The following POLE variants were observed in gnomAD, a reference collection of about 807,000 sequenced individuals.
The protein encoded by POLE is DNA polymerase epsilon, catalytic subunit, also known as DNA polymerase epsilon catalytic subunit A.
A neutral mutation model predicts 279.2 loss-of-function variants in POLE; 188 were observed. The observed-to-expected ratio is 0.67, with a 90% CI of 0.60 to 0.76. The LOEUF (loss-of-function observed/expected upper bound fraction) is 0.76. Among genes scored for constraint, POLE ranks in the 30% least tolerant of loss-of-function variants. The pLI is 0.00. For synonymous variants in POLE, 1,214 were observed against 1,172.5 expected (o/e 1.04, Z -0.72); for missense variants, 2,703 against 3,016.7 (o/e 0.90, Z 2.44).
At chr12:132,625,563 GCA>G in intron 47 of POLE, 80 bp downstream of exon 47, 1 of 1,564,136 alleles carries the variant, frequency 6.4e-7, no homozygotes, top group Non-Finnish European at 8.7e-7. Context: ...CTCAGGACCT[GCA>G]CACACCCCGG....
rs118149274 is a variant in POLE at position 132,666,616 on chromosome 12, G to A, written c.2319+887C>T. Among the ~76,000 whole-genome samples the A allele has an allele frequency of 3.3e-3, 507 of 152,300 alleles. 2 individuals carry two copies. Among genetic ancestry groups the A allele is most frequent in the Middle Eastern group, 0.014 (4 of 294 alleles). On this transcript the variant is annotated intron_variant, in intron 20 of 48. Coordinates refer to ENST00000320574, the MANE Select transcript of POLE (RefSeq NM_006231.4). ...AAGCATCATGCTAAGTGAAAAAGCCGGTCACAAAGATACAAATACTGCACG... is the reference window on the plus strand; with the variant it reads ...AAGCATCATGCTAAGTGAAAAAGCCAGTCACAAAGATACAAATACTGCACG...
intron 29 of POLE, among the ~76,000 whole-genome samples, chr12:132,653,139 G>A (rs549452917): frequency 2.0e-5 from 3 of 152,112 alleles, no homozygotes; most frequent in Non-Finnish European, 2.9e-5. Context: ...CAGTGCTTTG[G>A]GGGGGGCCCA....
intron 46 of POLE, 106 bp downstream of exon 46, chr12:132,626,011 C>T (rs2041830647): frequency 2.5e-6 from 3 of 1,205,972 alleles, no homozygotes; most frequent in South Asian, 2.7e-5. Flanking sequence ...GTCAGAGGGG[C>T]AGCAGGTGTG....
chr12:132,664,429 G>C lies in POLE; in HGVS notation c.2502C>G (p.Ile834Met), dbSNP rs769459883. Reference protein sequence around the residue: ...ARWYSMEMAGIVCFTGANIIT... With the variant: ...ARWYSMEMAGMVCFTGANIIT... ...TGATGTTGGCCCCTGTGAAGCAGAC[G>C]ATGCCAGCCATCTCCATGGAGTACC... is the stretch of plus-strand genomic sequence containing the variant. Residue 834 changes from isoleucine to methionine, a missense_variant, in exon 22 of 49, where the codon ATC (isoleucine) becomes ATG (methionine). By Grantham distance (10) the Ile-to-Met change is conservative. Coordinates refer to ENST00000320574, the MANE Select transcript of POLE (RefSeq NM_006231.4). This position sits in a 1 kb window ranked among gnomAD's most constrained non-coding sequence, Gnocchi z 5.3. 1 of 1,613,936 alleles carries C rather than the reference G, an allele frequency of 6.2e-7. No individual in the cohort carries two copies. The highest frequency in any genetic ancestry group is 8.5e-7 in the Non-Finnish European group (1 of 1,180,016).
chr12:132,683,880 A>G (rs2043217761), intron 1 of POLE, among the ~76,000 whole-genome samples: 1 of 152,254 alleles, frequency 6.6e-6, no homozygotes, highest in African/African-American at 2.4e-5. Context: ...AAAAATGGGG[A>G]TAAGTGTCAC....
intron 45 of POLE, among the ~76,000 whole-genome samples, chr12:132,631,401 C>T (rs1288450254): frequency 6.6e-6 from 1 of 152,152 alleles, no homozygotes; most frequent in Non-Finnish European, 1.5e-5. Flanking sequence ...CCACAGAGTA[C>T]ATTTTACTGT....
chr12:132,686,377 TTCGGGAGTATTAATAGCTGGGACC>T (rs1245071278), intron 1 of POLE, among the ~76,000 whole-genome samples: 1 of 151,792 alleles, frequency 6.6e-6, no homozygotes, highest in Non-Finnish European at 1.5e-5. Flanking sequence ...CCGGCTCGGA[TTCGGGAGTATTAATAGCTGGGACC>T]TCGGGCGCGC....
chr12:132,671,992 C>G lies in POLE; in HGVS notation c.1794+223G>C, dbSNP rs183079265. On this transcript the variant is annotated intron_variant, in intron 16 of 48. Transcript: ENST00000320574. ...CCACCAGGACCCACCTTCCATGTTA[C>G]TGCATTTCAGGAGCAGCTCACACCC... 2.4e-3 allele frequency among the ~76,000 whole-genome samples: 369 copies of G among 152,270 alleles called. 1 individual carries two copies. Among genetic ancestry groups the G allele is most frequent in the African/African-American group, 8.5e-3 (353 of 41,546 alleles).
At position 132,657,400 on chromosome 12, in the gene POLE, C is replaced by T. The variant is rs1270052286; in HGVS notation, c.3408G>A (p.Arg1136=). The T allele has an allele frequency of 6.2e-7, 1 of 1,614,116 alleles. No individual in the cohort carries two copies. Among genetic ancestry groups the T allele is most frequent in the South Asian group, 1.1e-5 (1 of 91,068 alleles). Residue 1136 remains arginine (R), a synonymous_variant, in exon 28 of 49, where the codon CGG becomes CGA. Coordinates refer to ENST00000320574, the MANE Select transcript of POLE (RefSeq NM_006231.4). ...AILDWDYYIE[R]LGSAIQKIIT... is the part of the protein sequence containing the mutation. ...TGATCTTCTGGATGGCGCTTCCCAG[C>T]CGCTCAATGTAGTAGTCCCAATCCA...
At chr12:132,633,162 C>CTT (rs35854836) in intron 43 of POLE, 10 of 146,202 alleles carry the variant, frequency 6.8e-5, no homozygotes, top group South Asian at 2.0e-4. Flanking sequence ...GGCACTTACC[C>CTT]TTTTTTTTTT....
Position 132,679,648 on chromosome 12 carries a change from T to G in POLE, c.427A>C (p.Asn143His), listed in dbSNP as rs889470853. ...TVPKEDLDLP[N>H]HLVGLKRNYI... Reference sequence around the variant, plus strand: ...TTTCGCTTCAAACCCACCAAGTGATTTGGCTATAATGCGAAGAGATCACGC... The same window carrying G: ...TTTCGCTTCAAACCCACCAAGTGATGTGGCTATAATGCGAAGAGATCACGC... The change falls in exon 6 of 49, where the codon AAT becomes CAT. Residue 143 changes from asparagine (N) to histidine (H), a missense_variant. By Grantham distance (68) the Asn-to-His change is moderately conservative. Around this residue, in one of 5 missense-constraint regions of POLE, gnomAD observed 1,011 missense variants for 1,111.7 expected, o/e 0.91. Coordinates refer to ENST00000320574, the MANE Select transcript of POLE (RefSeq NM_006231.4). The G allele has an allele frequency of 9.3e-6, 15 of 1,608,660 alleles. No individual in the cohort carries two copies. Among genetic ancestry groups the G allele is most frequent in the Non-Finnish European group, 1.3e-5 (15 of 1,175,432 alleles).
At position 132,680,623 on chromosome 12, in the gene POLE, T is replaced by C. The variant is rs903149427; in HGVS notation, c.269A>G (p.Asp90Gly). 6.2e-7 allele frequency: 1 copy of C among 1,613,868 alleles called. No homozygotes were observed. Among genetic ancestry groups the C allele is most frequent in the Admixed American group, 1.7e-5 (1 of 60,020 alleles). Residue 90 changes from aspartate (D) to glycine (G), a missense_variant, in exon 3 of 49, where the codon GAC (aspartate) becomes GGC (glycine). Around this residue, in one of 5 missense-constraint regions of POLE, gnomAD observed 1,011 missense variants for 1,111.7 expected, o/e 0.91. Coordinates refer to ENST00000320574, the MANE Select transcript of POLE (RefSeq NM_006231.4). ...GGGGCTTACCTTAAATCTGCTTCCG[T>C]CATCTTGAATAAAGTAGTAATCCAC... ...SAVDYYFIQDDGSRFKVALPY... is the reference protein window; with the variant it reads ...SAVDYYFIQDGGSRFKVALPY...
chr12:132,687,209 C>T (rs2043294888), intron 1 of POLE, 45 bp downstream of exon 1: 4 of 1,344,744 alleles, frequency 3.0e-6, no homozygotes, highest in Admixed American at 2.6e-5. Context: ...CCCCATGGCA[C>T]CCTCCGGAGG....
Position 132,641,797 on chromosome 12 carries a change from T to A in POLE, c.5228A>T (p.His1743Leu), listed in dbSNP as rs751529788. 1 of 1,605,836 alleles carries A rather than the reference T, an allele frequency of 6.2e-7. No individual in the cohort carries two copies. The highest frequency in any genetic ancestry group is 8.5e-7 in the Non-Finnish European group (1 of 1,179,918). Residue 1743 changes from histidine to leucine, a missense_variant, in exon 39 of 49, where the codon CAC (histidine) becomes CTC (leucine). By Grantham distance (99) the His-to-Leu change is moderately conservative. Coordinates refer to ENST00000320574, the MANE Select transcript of POLE (RefSeq NM_006231.4). ...GGCCCCCTCCATGTCGTTGACATGG[T>A]GAGACTGGAGAATGGTGTTGACGGC... ...NLAVNTILQSHHVNDMEGADS... is the reference protein window; with the variant it reads ...NLAVNTILQSLHVNDMEGADS...
At chr12:132,648,764 C>T in intron 32 of POLE, 165 bp downstream of exon 32, 1 of 703,668 alleles carries the variant, frequency 1.4e-6, no homozygotes, top group South Asian at 2.2e-5. Flanking sequence ...GGCACTCGCT[C>T]TGCCCCAGGC....
intron 21 of POLE, among the ~76,000 whole-genome samples, chr12:132,665,074 A>G (rs1412083128): frequency 6.6e-6 from 1 of 152,008 alleles, no homozygotes; most frequent in African/African-American, 2.4e-5. Context: ...GCAGAGACAC[A>G]TACACCCCAC....
intron 47 of POLE, 72 bp downstream of exon 47, chr12:132,625,573 C>T (rs907605115): frequency 8.3e-5 from 131 of 1,582,046 alleles, no homozygotes; most frequent in Admixed American, 1.7e-4. Flanking sequence ...GCACACACCC[C>T]GGCTCCCGGG....
chr12:132,654,329 T>C (rs935741619), intron 29 of POLE, among the ~76,000 whole-genome samples: 4 of 152,078 alleles, frequency 2.6e-5, no homozygotes, highest in Admixed American at 2.6e-4. Flanking sequence ...CGCCTCTGCC[T>C]CCCTGAGAGC....
intron 19 of POLE, 90 bp from the exon 20 acceptor site, chr12:132,667,738 C>T (rs2042829673): frequency 1.5e-6 from 2 of 1,361,222 alleles, no homozygotes; most frequent in Non-Finnish European, 1.0e-6. Context: ...AACATGGCTT[C>T]TACGTCACCA....
Sources: gnomAD v4.1 joint callset for allele counts (sites outside exome capture counted in the v4.1 genomes callset) on GRCh38, gnomAD v4.1.1 for gene constraint, gnomAD v4.1.1 regional missense constraint, Gnocchi (gnomAD v3.1) non-coding constraint, MANE v1.5 for transcripts, NCBI Gene and HGNC (gene_info 2026-07-23, HGNC 2026-07-21) for gene names.